GREB1L: variants seen among roughly 807,000 people sequenced by gnomAD.
The protein encoded by GREB1L is GREB1 like retinoic acid receptor coactivator, also known as GREB1-like protein.
Under a neutral mutation model 200.8 loss-of-function variants are expected in GREB1L, and 17 were observed. That is an observed-to-expected ratio of 0.08 (90% confidence interval 0.06 to 0.13). The LOEUF (loss-of-function observed/expected upper bound fraction) is 0.13, where lower values mean the gene tolerates loss of function less well. GREB1L is among the 10% of genes least tolerant of loss of function. The probability of loss-of-function intolerance (pLI) is 1.00; values close to 1 mark genes in which losing one functional copy is unlikely to be tolerated. For missense variants in GREB1L, 1,657 were observed against 2,367.7 expected, an observed-to-expected ratio of 0.70 and a Z score of 6.23; for synonymous variants, 789 against 893.0, an observed-to-expected ratio of 0.88 and a Z score of 2.08.
At chr18:21,268,558 C>CATATATATAT (rs1244082888) in intron 1 of GREB1L, among the ~76,000 whole-genome samples, 2 of 86,670 alleles carry the variant, frequency 2.3e-5, no homozygotes, top group African/African-American at 6.4e-5. Flanking sequence ...CACACACACA[C>CATATATATAT]ACATATATAT....
intron 1 of GREB1L, among the ~76,000 whole-genome samples, chr18:21,363,297 C>A (rs1460552600): frequency 8.8e-6 from 1 of 113,154 alleles, no homozygotes; most frequent in Non-Finnish European, 1.8e-5. Context: ...GCCCCCCCCC[C>A]CCCACACACA....
At chr18:21,364,307 A>G (rs147154632) in intron 1 of GREB1L, among the ~76,000 whole-genome samples, 91 of 152,242 alleles carry the variant, frequency 6.0e-4, no homozygotes, top group African/African-American at 2.1e-3. Context: ...TATAATTGTT[A>G]TTGATCTGTC....
chr18:21,498,217 T>G (rs1488898329), intron 21 of GREB1L, among the ~76,000 whole-genome samples: 1 of 152,132 alleles, frequency 6.6e-6, no homozygotes, highest in East Asian at 1.9e-4. Context: ...AGCACTGGTC[T>G]TCCTGTCCAT....
At chr18:21,369,599 A>G (rs774718316) in intron 2 of GREB1L, among the ~76,000 whole-genome samples, 1 of 152,238 alleles carries the variant, frequency 6.6e-6, no homozygotes, top group Non-Finnish European at 1.5e-5. Context: ...GCATAGTACA[A>G]TAATTATTTC....
intron 23 of GREB1L, 145 bp from the exon 24 acceptor site, chr18:21,505,267 T>G (rs2036966931): frequency 1.5e-6 from 1 of 683,828 alleles, no homozygotes; most frequent in Non-Finnish European, 2.4e-6. Context: ...CAATTCTGCC[T>G]CCTCTACTGG....
chr18:21,498,420 G>T (rs929716331), intron 21 of GREB1L, among the ~76,000 whole-genome samples: 1 of 152,120 alleles, frequency 6.6e-6, no homozygotes, highest in Non-Finnish European at 1.5e-5. Flanking sequence ...TTTTCTCTCT[G>T]AGAGCAGTTT....
At chr18:21,280,545 T>C (rs749494001) in intron 1 of GREB1L, among the ~76,000 whole-genome samples, 10 of 152,198 alleles carry the variant, frequency 6.6e-5, no homozygotes, top group Admixed American at 3.3e-4. Flanking sequence ...TGTATAGATA[T>C]AAGGTTTCAA....
intron 1 of GREB1L, among the ~76,000 whole-genome samples, chr18:21,275,159 G>C (rs1446271517): frequency 6.6e-6 from 1 of 151,586 alleles, no homozygotes; most frequent in Non-Finnish European, 1.5e-5. Flanking sequence ...AGAATAGCTT[G>C]AACCCAGGAG....
intron 21 of GREB1L, among the ~76,000 whole-genome samples, chr18:21,498,890 C>T (rs1441422246): frequency 6.6e-6 from 1 of 152,178 alleles, no homozygotes; most frequent in Non-Finnish European, 1.5e-5. Context: ...GGTTGGGATT[C>T]GACCTCCCTG....
chr18:21,290,740 G>A (rs535767003), intron 1 of GREB1L, among the ~76,000 whole-genome samples: 5 of 150,444 alleles, frequency 3.3e-5, no homozygotes, highest in Admixed American at 2.0e-4. Flanking sequence ...AGGAGAAATC[G>A]CTTGAACCTG....
rs138864682 is a variant in GREB1L at position 21,429,109 on chromosome 18, C to CCCTTCCTTCCTT, written c.833-10384_833-10373dup. Among the ~76,000 whole-genome samples the CCCTTCCTTCCTT allele has an allele frequency of 1.3e-3, 140 of 109,982 alleles. 2 individuals are homozygous for CCCTTCCTTCCTT. The highest frequency in any genetic ancestry group is 5.3e-3 in the African/African-American group (126 of 23,662). 72.2% of individuals were successfully genotyped at this position (109,982 alleles called of 152,430 possible). A position where few individuals can be genotyped will look rare whatever the true frequency, so the allele number is the denominator to read the frequency against. ...ATTCATGTGTTTCATAAACTATTCTCCCTTCCTTCCTTCCTTCCTTCCTTC... is the reference window on the plus strand; with the variant it reads ...ATTCATGTGTTTCATAAACTATTCTCCCTTCCTTCCTTCCTTCCTTCCTTCCTTCCTTCCTTC... On this transcript the variant is annotated intron_variant, in intron 7 of 32. Transcript: ENST00000424526.
chr18:21,444,585 C>A (rs1450666967), intron 11 of GREB1L, among the ~76,000 whole-genome samples, 176 bp downstream of exon 11: 1 of 152,120 alleles, frequency 6.6e-6, no homozygotes, highest in Admixed American at 6.6e-5. Context: ...TCCTTCATTT[C>A]TTTTCTACTC....
At position 21,395,488 on chromosome 18, in the gene GREB1L, G is replaced by T; in HGVS notation, c.459G>T (p.Leu153=). ...FLLVGAKSPN[L]PEHILVCAVD... The stretch of plus-strand genomic sequence containing the variant: ...TGGTGGGGGCCAAGTCTCCCAATCT[G>T]CCTGAACACATCCTAGTTTGTGCTG... Residue 153 remains leucine, a synonymous_variant, in exon 5 of 33, where the codon CTG becomes CTT. Transcript: ENST00000424526. 1 of 1,551,364 alleles carries T rather than the reference G, an allele frequency of 6.4e-7. No homozygotes were observed. Among genetic ancestry groups the T allele is most frequent in the Non-Finnish European group, 8.7e-7 (1 of 1,146,792 alleles).
At chr18:21,373,361 G>C (rs1416705456) in intron 2 of GREB1L, among the ~76,000 whole-genome samples, 1 of 151,888 alleles carries the variant, frequency 6.6e-6, no homozygotes, top group East Asian at 1.9e-4. Context: ...TTTCGAGACA[G>C]AGTTTTTTGT....
chr18:21,244,182 A>C (rs1271257762), intron 1 of GREB1L, among the ~76,000 whole-genome samples: 1 of 151,916 alleles, frequency 6.6e-6, no homozygotes, highest in African/African-American at 2.4e-5. Context: ...TATTAAACTA[A>C]TATCTCCTCC....
chr18:21,355,754 C>T (rs1358411152), intron 1 of GREB1L, among the ~76,000 whole-genome samples: 2 of 152,126 alleles, frequency 1.3e-5, no homozygotes, highest in African/African-American at 2.4e-5. Context: ...TTTAGTGACA[C>T]GGATTTATTG....
At position 21,505,557 on chromosome 18, in the gene GREB1L, G is replaced by C; in HGVS notation, c.4218G>C (p.Gly1406=). The part of the protein sequence containing the change: ...MSLVYTEKLA[G]VKQEVIKESK... Reference sequence around the variant, plus strand: ...TGGTGTATACTGAGAAGCTGGCAGGGGTCAAACAAGGTCAGTGCAATCAGC... The same window carrying C: ...TGGTGTATACTGAGAAGCTGGCAGGCGTCAAACAAGGTCAGTGCAATCAGC... The change falls in exon 24 of 33, where the codon GGG becomes GGC. Residue 1406 remains glycine, a synonymous_variant. Transcript: ENST00000424526. The C allele has an allele frequency of 6.4e-7, 1 of 1,551,646 alleles. No individual in the cohort carries two copies. The highest frequency in any genetic ancestry group is 8.7e-7 in the Non-Finnish European group (1 of 1,146,982).
Position 21,490,608 on chromosome 18 carries a change from G to A in GREB1L, c.3030+257G>A, listed in dbSNP as rs934773535. On this transcript the variant is annotated intron_variant, in intron 19 of 32. Transcript: ENST00000424526. ...TCCAACTGCAGGTGCAAAAAAATGA[G>A]ATGACCCAATTTGACCCCATGTTTA... 2.4e-4 allele frequency among the ~76,000 whole-genome samples: 36 copies of A among 152,002 alleles called. 1 individual carries two copies. The highest frequency in any genetic ancestry group is 3.7e-4 in the Non-Finnish European group (25 of 67,964).
chr18:21,525,026 A>ATATATATATATATC lies in GREB1L; in HGVS notation c.*2206_*2207insATATATATATATCT, dbSNP rs1568085597. 11 of 151,176 alleles carry ATATATATATATATC rather than the reference A, an allele frequency of 7.3e-5. No homozygotes were observed. The highest frequency in any genetic ancestry group is 5.3e-4 in the Admixed American group (8 of 15,200). 9.4% of individuals were successfully genotyped at this position (151,176 alleles called of 1,614,324 possible). A position where few individuals can be genotyped will look rare whatever the true frequency, so the allele number is the denominator to read the frequency against. ...ATGATTTGTGTGTATATATATATAT[A>ATATATATATATATC]TCCTAGTGTGTTCAGCTTTAAGCTT... On this transcript the variant is annotated 3_prime_UTR_variant, in exon 33 of 33. Coordinates refer to ENST00000424526, the MANE Select transcript of GREB1L (RefSeq NM_001142966.3).
Sources: gnomAD v4.1 joint callset for allele counts (sites outside exome capture counted in the v4.1 genomes callset) on GRCh38, gnomAD v4.1.1 for gene constraint, MANE v1.5 for transcripts, NCBI Gene and HGNC (gene_info 2026-07-23, HGNC 2026-07-21) for gene names.